The following ENTREP2 variants were observed in gnomAD, a reference collection of about 807,000 sequenced individuals.
ENTREP2 encodes the protein protein ENTREP2.
At chr15:29,386,360 C>T in the ENTREP2 span, among the ~76,000 whole-genome samples, 2 of 152,182 alleles carry the variant, frequency 1.3e-5, no homozygotes, top group Admixed American at 6.5e-5. Context: ...CAAAACCTAC[C>T]CATCTTCATG....
the ENTREP2 span, among the ~76,000 whole-genome samples, chr15:29,547,232 C>A: frequency 6.8e-6 from 1 of 147,698 alleles, no homozygotes; most frequent in Non-Finnish European, 1.5e-5. Context: ...ATTATAGGTG[C>A]ATGCCACCAC....
chr15:29,422,570 C>T, the ENTREP2 span, among the ~76,000 whole-genome samples: 1 of 152,228 alleles, frequency 6.6e-6, no homozygotes, highest in African/African-American at 2.4e-5. Context: ...ATCCCAGTGG[C>T]TGTAAGGCCA....
At chr15:29,311,646 TGC>T in the ENTREP2 span, among the ~76,000 whole-genome samples, 1 of 151,966 alleles carries the variant, frequency 6.6e-6, no homozygotes, top group Non-Finnish European at 1.5e-5. Flanking sequence ...GCTGAGATCG[TGC>T]CACTGCACTC....
chr15:29,297,952 G>C, the ENTREP2 span, among the ~76,000 whole-genome samples: 1 of 152,170 alleles, frequency 6.6e-6, no homozygotes, highest in Non-Finnish European at 1.5e-5. Context: ...AAAGAATCTA[G>C]CAGCTGAATG....
At chr15:29,149,139 G>C in the ENTREP2 span, among the ~76,000 whole-genome samples, 1 of 152,124 alleles carries the variant, frequency 6.6e-6, no homozygotes, top group African/African-American at 2.4e-5. Flanking sequence ...CCAAAGTGCT[G>C]GGATTACAAG....
chr15:29,126,437 GA>G, the ENTREP2 span: 1 of 1,550,032 alleles, frequency 6.5e-7, no homozygotes, highest in Non-Finnish European at 8.7e-7. Flanking sequence ...GGATGGGCTG[GA>G]ACCTGGCGTA....
the ENTREP2 span, among the ~76,000 whole-genome samples, chr15:29,337,618 G>A: frequency 2.0e-5 from 3 of 152,204 alleles, no homozygotes; most frequent in African/African-American, 7.2e-5. Context: ...CACATTCCCT[G>A]TGGCTGAATG....
At chr15:29,194,640 T>C in the ENTREP2 span, among the ~76,000 whole-genome samples, 2 of 152,178 alleles carry the variant, frequency 1.3e-5, no homozygotes, top group Admixed American at 1.3e-4. Context: ...TTCTCACCAA[T>C]GTACCAGAAC....
the ENTREP2 span, among the ~76,000 whole-genome samples, chr15:29,455,866 G>A: frequency 6.6e-6 from 1 of 152,188 alleles, no homozygotes; most frequent in African/African-American, 2.4e-5. Context: ...AACTGTGCAT[G>A]TAAAGGATCT....
At chr15:29,611,762 C>T in the ENTREP2 span, among the ~76,000 whole-genome samples, 1 of 152,150 alleles carries the variant, frequency 6.6e-6, no homozygotes, top group East Asian at 1.9e-4. Context: ...AGAGTTTGTT[C>T]GGTGAATGAA....
the ENTREP2 span, among the ~76,000 whole-genome samples, chr15:29,416,360 G>A: frequency 7.2e-5 from 11 of 152,146 alleles, no homozygotes; most frequent in Admixed American, 7.2e-4. Flanking sequence ...ACAACCATCT[G>A]ATCTTTGACT....
At chr15:29,379,263 T>G in the ENTREP2 span, among the ~76,000 whole-genome samples, 1 of 152,186 alleles carries the variant, frequency 6.6e-6, no homozygotes, top group African/African-American at 2.4e-5. Context: ...TCCCTTTCAC[T>G]GACTTGCCAG....
the ENTREP2 span, among the ~76,000 whole-genome samples, chr15:29,307,457 C>G: frequency 6.6e-6 from 1 of 152,186 alleles, no homozygotes; most frequent in Non-Finnish European, 1.5e-5. Context: ...TTGGTGTTTA[C>G]TATCCAACTG....
the ENTREP2 span, among the ~76,000 whole-genome samples, chr15:29,159,257 G>A: frequency 1.7e-4 from 26 of 152,048 alleles, no homozygotes; most frequent in South Asian, 5.0e-3. Flanking sequence ...CAGCTCTTAA[G>A]GCGGCGTGTC....
chr15:29,516,968 C>CAAAAA, the ENTREP2 span, among the ~76,000 whole-genome samples: 3 of 88,656 alleles, frequency 3.4e-5, no homozygotes, highest in Admixed American at 1.2e-4. Context: ...AATTATGAGC[C>CAAAAA]AAAAAAAAAA....
the ENTREP2 span, among the ~76,000 whole-genome samples, chr15:29,412,063 AT>A: frequency 2.0e-5 from 3 of 152,100 alleles, no homozygotes; most frequent in Non-Finnish European, 4.4e-5. Flanking sequence ...TGGCTCTGTC[AT>A]ATAATTTTAC....
At chr15:29,248,176 A>G in the ENTREP2 span, among the ~76,000 whole-genome samples, 99 of 152,322 alleles carry the variant, frequency 6.5e-4, 1 homozygote, top group East Asian at 0.017. Context: ...AAACTACTAA[A>G]CTGTTTAGAG....
the ENTREP2 span, among the ~76,000 whole-genome samples, chr15:29,587,491 T>C: frequency 6.6e-6 from 1 of 152,176 alleles, no homozygotes; most frequent in Admixed American, 6.5e-5. Flanking sequence ...CTACCAAATA[T>C]GTTTAAATTC....
chr15:29,447,891 C>T, the ENTREP2 span, among the ~76,000 whole-genome samples: 4 of 151,914 alleles, frequency 2.6e-5, no homozygotes, highest in African/African-American at 4.8e-5. Context: ...GGTGAAACTC[C>T]GTCTCTGCTA....
Sources: gnomAD v4.1 joint callset for allele counts (sites outside exome capture counted in the v4.1 genomes callset) on GRCh38, gnomAD v4.1.1 for gene constraint, MANE v1.5 for transcripts, NCBI Gene and HGNC (gene_info 2026-07-23, HGNC 2026-07-21) for gene names.